RSRC1: variants seen among roughly 807,000 people sequenced by gnomAD.
RSRC1 encodes the protein serine/Arginine-related protein 53.
RSRC1 carries 39 observed loss-of-function variants against 49.1 expected under a neutral mutation model. That is an observed-to-expected ratio of 0.79 (90% CI 0.61 to 1.04). The LOEUF (loss-of-function observed/expected upper bound fraction) is 1.04. RSRC1 is among the 50% of genes least tolerant of loss of function. RSRC1 has a pLI of 0.00. For missense variants in RSRC1, 388 were observed against 402.4 expected (o/e 0.96, Z 0.31); for synonymous variants, 143 against 130.8 (o/e 1.09, Z -0.63).
chr3:158,395,982 C>T (rs981770527), intron 6 of RSRC1, among the ~76,000 whole-genome samples: 13 of 152,136 alleles, frequency 8.5e-5, no homozygotes, highest in African/African-American at 2.4e-4. Flanking sequence ...GGTACATATA[C>T]ATCATGGGAT....
intron 1 of RSRC1, among the ~76,000 whole-genome samples, chr3:158,112,202 A>G (rs751631302): frequency 2.6e-4 from 40 of 152,220 alleles, no homozygotes; most frequent in Non-Finnish European, 4.7e-4. Flanking sequence ...TCCATTCATC[A>G]TTCATTGCCC....
At chr3:158,295,352 C>A (rs1165474888) in intron 4 of RSRC1, among the ~76,000 whole-genome samples, 2 of 151,940 alleles carry the variant, frequency 1.3e-5, no homozygotes, top group Non-Finnish European at 2.9e-5. Context: ...GTAGCTTTGA[C>A]AAGATAACAG....
At chr3:158,515,513 T>C (rs904921758) in intron 7 of RSRC1, among the ~76,000 whole-genome samples, 1 of 136,998 alleles carries the variant, frequency 7.3e-6, no homozygotes, top group Non-Finnish European at 1.6e-5. Context: ...CCGACCTTTC[T>C]CTCTGGCTGC....
intron 6 of RSRC1, among the ~76,000 whole-genome samples, chr3:158,460,418 T>C (rs1213894565): frequency 1.3e-5 from 2 of 151,804 alleles, no homozygotes; most frequent in African/African-American, 4.8e-5. Flanking sequence ...AGGGAAGAGG[T>C]TTCTAGAGGG....
intron 6 of RSRC1, among the ~76,000 whole-genome samples, chr3:158,371,272 C>A (rs752698215): frequency 1.8e-4 from 28 of 151,928 alleles, no homozygotes; most frequent in Non-Finnish European, 3.5e-4. Flanking sequence ...GCAAAATGCA[C>A]CTTTTTTAGT....
In RSRC1 at chr3:158,271,932, A is replaced by C. The variant is rs567973178; in HGVS notation, c.495-26107A>C. Among the ~76,000 whole-genome samples the C allele has an allele frequency of 3.3e-5, 5 of 152,300 alleles. No individual in the cohort carries two copies. In the East Asian group the frequency reaches 9.6e-4, roughly 29 times the overall value. The stretch of plus-strand genomic sequence containing the variant: ...TGGTTAATATTAGTCTTTTGAGTAT[A>C]ATAGCATTGTATTTGCATATAATCA... On this transcript the variant is annotated intron_variant, in intron 4 of 9. Transcript: ENST00000611884.
intron 7 of RSRC1, among the ~76,000 whole-genome samples, chr3:158,518,057 A>G (rs1576602663): frequency 7.9e-6 from 1 of 126,396 alleles, no homozygotes; most frequent in Non-Finnish European, 1.7e-5. Flanking sequence ...GATTTCATTT[A>G]TTTTTATATA....
chr3:158,157,972 A>AT (rs1000314399), intron 3 of RSRC1, among the ~76,000 whole-genome samples: 5 of 151,694 alleles, frequency 3.3e-5, no homozygotes, highest in Non-Finnish European at 5.9e-5. Flanking sequence ...GGTTTTACTG[A>AT]TTTTTTTTAA....
intron 8 of RSRC1, among the ~76,000 whole-genome samples, chr3:158,542,992 C>T (rs1421387153): frequency 6.6e-6 from 1 of 151,904 alleles, no homozygotes; most frequent in Non-Finnish European, 1.5e-5. Flanking sequence ...ACGTAAGTAC[C>T]AATTTCTTAA....
chr3:158,142,778 C>T (rs1716829472), intron 3 of RSRC1, among the ~76,000 whole-genome samples: 1 of 151,278 alleles, frequency 6.6e-6, no homozygotes, highest in African/African-American at 2.4e-5. Context: ...CCACCAGGGT[C>T]CACCTCCAAC....
At chr3:158,212,393 T>G (rs16828767) in intron 4 of RSRC1, among the ~76,000 whole-genome samples, 11,627 of 151,886 alleles carry the variant, frequency 0.077, 541 homozygotes, top group South Asian at 0.13. Context: ...TATGTAACTT[T>G]CACTTTTTTC....
At position 158,510,086 on chromosome 3, in the gene RSRC1, C is replaced by G. The variant is rs145427680; in HGVS notation, c.653-27006C>G. Among the ~76,000 whole-genome samples the G allele has an allele frequency of 2.7e-3, 407 of 152,308 alleles. 4 individuals carry two copies. Among genetic ancestry groups the G allele is most frequent in the African/African-American group, 9.3e-3 (387 of 41,570 alleles). ...ATTTCTGATTGCCCCACATCCTTGCCATGCTTGATCTTTCCAGACATTTTG... is the reference window on the plus strand; with the variant it reads ...ATTTCTGATTGCCCCACATCCTTGCGATGCTTGATCTTTCCAGACATTTTG... On this transcript the variant is annotated intron_variant, in intron 7 of 9. Coordinates refer to ENST00000611884, the MANE Select transcript of RSRC1 (RefSeq NM_001271838.2).
At chr3:158,381,148 A>G (rs1265376207) in intron 6 of RSRC1, among the ~76,000 whole-genome samples, 2 of 152,244 alleles carry the variant, frequency 1.3e-5, no homozygotes, top group Non-Finnish European at 2.9e-5. Context: ...GTTAAAATTT[A>G]TCAAAACTTA....
At chr3:158,288,373 TG>T (rs1212134690) in intron 4 of RSRC1, among the ~76,000 whole-genome samples, 1 of 152,150 alleles carries the variant, frequency 6.6e-6, no homozygotes, top group East Asian at 1.9e-4. Flanking sequence ...TGGGTTGAAG[TG>T]GGGGGTGACG....
rs1734871095 is a variant in RSRC1, at chr3:158,418,548, T to C, written c.584-42387T>C. On this transcript the variant is annotated intron_variant, in intron 6 of 9. Transcript: ENST00000611884. Reference sequence around the variant, plus strand: ...ACTTTAGAGATCACATAACAGATAATAGGTTGACATTCTTTTGTGGACGTT... The same window carrying C: ...ACTTTAGAGATCACATAACAGATAACAGGTTGACATTCTTTTGTGGACGTT... Among the ~76,000 whole-genome samples, 3 of 151,960 alleles carry C rather than the reference T, an allele frequency of 2.0e-5. No homozygotes were observed. In the South Asian group the frequency reaches 6.2e-4, roughly 32 times the overall value.
At chr3:158,188,011 C>T (rs755436526) in intron 3 of RSRC1, among the ~76,000 whole-genome samples, 4 of 151,760 alleles carry the variant, frequency 2.6e-5, no homozygotes, top group African/African-American at 9.7e-5. Flanking sequence ...CTCATGCAGC[C>T]GTGAGATAAC....
intron 3 of RSRC1, among the ~76,000 whole-genome samples, chr3:158,137,207 G>A (rs78903484): frequency 0.016 from 2,387 of 152,076 alleles, 84 homozygotes; most frequent in African/African-American, 0.055. Flanking sequence ...AAAAAATTGG[G>A]TATTCTCCCC....
In RSRC1 at chr3:158,355,047, A is replaced by G. The variant is rs1052686065; in HGVS notation, c.583+139A>G. The G allele has an allele frequency of 1.6e-4, 79 of 494,766 alleles. No homozygotes were observed. In the East Asian group the frequency reaches 2.4e-3, roughly 15 times the overall value. The allele number at this position is 494,766 out of a possible 1,614,324, so 30.6% of individuals were successfully genotyped here. On this transcript the variant is annotated intron_variant, in intron 6 of 9. Coordinates refer to ENST00000611884, the MANE Select transcript of RSRC1 (RefSeq NM_001271838.2). ...AATTTATCAGATCTAGATTATATGT[A>G]TGGCCATATATTATCTGAAATATTT...
At chr3:158,110,514 C>T (rs1348666543) in intron 1 of RSRC1, 2 of 152,762 alleles carry the variant, frequency 1.3e-5, no homozygotes, top group Non-Finnish European at 2.9e-5. Context: ...CGACTCCTCC[C>T]CTCGCCCCAC....
Sources: allele counts gnomAD v4.1 joint callset (sites outside exome capture counted in the v4.1 genomes callset), GRCh38; gene constraint gnomAD v4.1.1; transcripts MANE v1.5; gene names NCBI Gene and HGNC (gene_info 2026-07-23, HGNC 2026-07-21).